Variants in CELF2 observed in about 807,000 individuals in gnomAD.
CELF2 encodes CUG triplet repeat RNA-binding protein 2.
A neutral mutation model predicts 62.6 loss-of-function variants in CELF2; 8 were observed. That is an observed-to-expected ratio of 0.13 (90% confidence interval 0.07 to 0.23). CELF2 has a LOEUF of 0.23. Ranked by LOEUF, CELF2 falls within the 10% of genes least tolerant of loss-of-function variation. The pLI is 1.00. For missense variants in CELF2, 333 were observed against 671.0 expected (o/e 0.50, Z 5.56); for synonymous variants, 258 against 250.0 (o/e 1.03, Z -0.30).
chr10:11,013,958 A>G (rs1270850658), upstream of CELF2, among the ~76,000 whole-genome samples: 3 of 152,342 alleles, frequency 2.0e-5, no homozygotes, highest in African/African-American at 7.2e-5. This position sits in a 1 kb window ranked among gnomAD's most constrained non-coding sequence, Gnocchi z 4.1. Context: ...GAACAAACAC[A>G]TGGTCACAAA....
At chr10:10,490,570 G>T in the CELF2 span, among the ~76,000 whole-genome samples, 3 of 33,914 alleles carry the variant, frequency 8.8e-5, no homozygotes, top group African/African-American at 2.9e-4. Context: ...TATCTGGTTG[G>T]GGGGGGGTGG....
chr10:10,765,359 G>A, the CELF2 span, among the ~76,000 whole-genome samples: 1 of 152,324 alleles, frequency 6.6e-6, no homozygotes, highest in Admixed American at 6.5e-5. Flanking sequence ...ATTGAGTTCT[G>A]TCTGCGGGAA....
intron 11 of CELF2, among the ~76,000 whole-genome samples, chr10:11,323,522 T>C (rs2141068558): frequency 6.6e-6 from 1 of 152,192 alleles, no homozygotes. Flanking sequence ...GGTGTGTTTT[T>C]TCCCCAGACA....
At chr10:10,545,372 A>T in the CELF2 span, among the ~76,000 whole-genome samples, 3 of 152,166 alleles carry the variant, frequency 2.0e-5, no homozygotes, top group African/African-American at 7.2e-5. Context: ...ATGGCTAGTA[A>T]TCCCGTCACT....
chr10:10,518,501 T>C, the CELF2 span, among the ~76,000 whole-genome samples: 1 of 152,200 alleles, frequency 6.6e-6, no homozygotes, highest in Non-Finnish European at 1.5e-5. Context: ...TGAAATGGGA[T>C]CTTTAGTATT....
chr10:10,549,548 T>A, the CELF2 span, among the ~76,000 whole-genome samples: 1 of 152,238 alleles, frequency 6.6e-6, no homozygotes, highest in Non-Finnish European at 1.5e-5. Flanking sequence ...CCTCACAATG[T>A]GCTGGGATTA....
At chr10:10,897,952 T>C (rs2062678046) in intron 1 of CELF2, among the ~76,000 whole-genome samples, 3 of 152,272 alleles carry the variant, frequency 2.0e-5, no homozygotes, top group Admixed American at 6.5e-5. Flanking sequence ...GAGAGGCCAA[T>C]GTGGTCTCTG....
the CELF2 span, chr10:10,776,277 A>T: frequency 6.5e-6 from 1 of 153,228 alleles, no homozygotes. Context: ...AGTTTAGCAT[A>T]CTCAGGAGAG....
the CELF2 span, among the ~76,000 whole-genome samples, chr10:10,505,242 T>C: frequency 6.6e-6 from 1 of 152,180 alleles, no homozygotes; most frequent in Non-Finnish European, 1.5e-5. Flanking sequence ...GCCTCATTAA[T>C]GCCAGGTAGA....
rs374027664 is a variant in CELF2 at position 11,031,861 on chromosome 10, CTT to C, written c.74+13700_74+13701del. Among the ~76,000 whole-genome samples the C allele has an allele frequency of 4.8e-3, 727 of 152,258 alleles. 10 individuals carry two copies. The highest frequency in any genetic ancestry group is 0.017 in the African/African-American group (695 of 41,552). ...AACTCCATTCTCTGATGTTTGAACACTTTGTCAAAATGCTGGGTTTCCAATGA... is the reference window on the plus strand; with the variant it reads ...AACTCCATTCTCTGATGTTTGAACACTGTCAAAATGCTGGGTTTCCAATGA... On this transcript the variant is annotated intron_variant, in intron 1 of 12. Coordinates refer to ENST00000633077, the MANE Select transcript of CELF2 (RefSeq NM_001326342.2).
At position 11,306,060 on chromosome 10, in the gene CELF2, T is replaced by C. The variant is rs1375787276; in HGVS notation, c.977-8079T>C. 6.6e-6 allele frequency among the ~76,000 whole-genome samples: 1 copy of C among 152,202 alleles called. No individual in the cohort carries two copies. The highest frequency in any genetic ancestry group is 1.5e-5 in the Non-Finnish European group (1 of 68,046). The stretch of plus-strand genomic sequence containing the variant: ...GCCTGAACGTCCGTCGCCTGATTGA[T>C]AGGTTTTAACCAGTGGTACAACAGG... On this transcript the variant is annotated intron_variant, in intron 9 of 12. Coordinates refer to ENST00000633077, the MANE Select transcript of CELF2 (RefSeq NM_001326342.2). The surrounding 1 kb of genome is among the most constrained non-coding windows in gnomAD (Gnocchi z 4.4).
In CELF2 at chr10:11,005,541, G is replaced by A; in HGVS notation, c.53+101G>A. 1 of 1,547,650 alleles carries A rather than the reference G, an allele frequency of 6.5e-7. No homozygotes were observed. The highest frequency in any genetic ancestry group is 8.9e-7 in the Non-Finnish European group (1 of 1,123,200). On this transcript the variant is annotated intron_variant, in intron 1 of 12. Coordinates refer to the CELF2 transcript ENST00000416382. The surrounding 1 kb of genome is among the most constrained non-coding windows in gnomAD (Gnocchi z 4.3). The stretch of plus-strand genomic sequence containing the variant: ...TGAATCAAGTAGCTTCCTTACCTTA[G>A]AAGAGAAGGGGGGAAAAAGAATCTA...
intron 1 of CELF2, among the ~76,000 whole-genome samples, chr10:11,142,051 A>G (rs556543212): frequency 1.3e-5 from 2 of 152,318 alleles, no homozygotes; most frequent in Non-Finnish European, 2.9e-5. Context: ...ATACTTTCCC[A>G]CTTGTTAAGT....
At chr10:10,893,294 G>C (rs1485464911) in intron 1 of CELF2, among the ~76,000 whole-genome samples, 1 of 152,196 alleles carries the variant, frequency 6.6e-6, no homozygotes, top group East Asian at 1.9e-4. Context: ...TAGAGAAAGA[G>C]CTTAATTATT....
At position 11,223,429 on chromosome 10, in the gene CELF2, T is replaced by TAAG. The variant is rs1481724320; in HGVS notation, c.354+5922_354+5923insAAG. ...AGTCAGGACATCCATTTGGTGCAGA[T>TAAG]GCTTCAGATGTACATTTGCAGAATT... On this transcript the variant is annotated intron_variant, in intron 3 of 12. Transcript: ENST00000633077. This position sits in a 1 kb window ranked among gnomAD's most constrained non-coding sequence, Gnocchi z 5.1. 6.6e-6 allele frequency among the ~76,000 whole-genome samples: 1 copy of TAAG among 152,360 alleles called. No individual in the cohort carries two copies. The highest frequency in any genetic ancestry group is 2.4e-5 in the African/African-American group (1 of 41,576).
intron 2 of CELF2, chr10:11,169,021 C>A (rs2133519548): frequency 6.6e-6 from 1 of 152,204 alleles, no homozygotes; most frequent in Non-Finnish European, 1.5e-5. Flanking sequence ...AATTGGAGAA[C>A]CCTAAATTTA....
chr10:11,206,527 G>C (rs919438405), intron 2 of CELF2, among the ~76,000 whole-genome samples: 3 of 152,212 alleles, frequency 2.0e-5, no homozygotes, highest in Non-Finnish European at 4.4e-5. Flanking sequence ...CTTGGTGTAT[G>C]GGAAGTGATC....
chr10:10,858,089 T>G (rs1036521557), intron 1 of CELF2, among the ~76,000 whole-genome samples: 5 of 152,134 alleles, frequency 3.3e-5, no homozygotes, highest in Non-Finnish European at 7.4e-5. Flanking sequence ...GGCTAAATTT[T>G]AGTGGCTTTA....
chr10:11,318,595 G>A lies in CELF2; in HGVS notation c.1097-2594G>A. ...CAGGAGAGAAGGATGTGGCTGGAATGTCACTGGCTGGAGCTCCAAGCCTCA... is the reference window on the plus strand; with the variant it reads ...CAGGAGAGAAGGATGTGGCTGGAATATCACTGGCTGGAGCTCCAAGCCTCA... On this transcript the variant is annotated intron_variant, in intron 10 of 12. Coordinates refer to ENST00000633077, the MANE Select transcript of CELF2 (RefSeq NM_001326342.2). This position sits in a 1 kb window ranked among gnomAD's most constrained non-coding sequence, Gnocchi z 5.4. 2 of 373,910 alleles carry A rather than the reference G, an allele frequency of 5.3e-6. No homozygotes were observed. Among genetic ancestry groups the A allele is most frequent in the East Asian group, 7.3e-5 (1 of 13,658 alleles). 23.2% of individuals were successfully genotyped at this position (373,910 alleles called of 1,614,324 possible).
Sources: gnomAD v4.1 joint callset for allele counts (sites outside exome capture counted in the v4.1 genomes callset) on GRCh38, gnomAD v4.1.1 for gene constraint, Gnocchi (gnomAD v3.1) non-coding constraint, MANE v1.5 for transcripts, NCBI Gene and HGNC (gene_info 2026-07-23, HGNC 2026-07-21) for gene names.